Variants in GRIK4 observed in about 807,000 individuals in gnomAD.
GRIK4 encodes the protein glutamate receptor ionotropic, kainate 4.
Under a neutral mutation model 104.9 loss-of-function variants are expected in GRIK4, and 40 were observed. The ratio of observed to expected loss-of-function variants is 0.38; its 90% CI spans 0.30 to 0.50. The LOEUF (loss-of-function observed/expected upper bound fraction) is 0.50, where lower values mean the gene tolerates loss of function less well. GRIK4 is among the 20% of genes least tolerant of loss of function. The pLI, the probability that GRIK4 is intolerant of heterozygous loss-of-function variation, is 0.93. For synonymous variants in GRIK4, 485 were observed against 524.9 expected (o/e 0.92, Z 1.04); for missense variants, 1,047 against 1,308.1 (o/e 0.80, Z 3.08).
At chr11:120,769,294 T>A (rs535580398) in intron 3 of GRIK4, among the ~76,000 whole-genome samples, 2 of 152,308 alleles carry the variant, frequency 1.3e-5, no homozygotes, top group South Asian at 4.1e-4. Flanking sequence ...TTTTTTCATT[T>A]CCTCTCGGTT....
At chr11:120,937,747 C>G (rs2134633239) in intron 13 of GRIK4, among the ~76,000 whole-genome samples, 1 of 152,294 alleles carries the variant, frequency 6.6e-6, no homozygotes, top group East Asian at 1.9e-4. Context: ...TCCCTGTGCC[C>G]AGGGAAGAAC....
At chr11:120,908,717 A>G (rs1411611835) in intron 13 of GRIK4, among the ~76,000 whole-genome samples, 1 of 152,218 alleles carries the variant, frequency 6.6e-6, no homozygotes, top group African/African-American at 2.4e-5. Context: ...TGATTGCCTC[A>G]CTAAACAGTC....
intron 13 of GRIK4, among the ~76,000 whole-genome samples, chr11:120,921,892 C>G (rs1334321947): frequency 6.6e-6 from 1 of 152,206 alleles, no homozygotes; most frequent in Non-Finnish European, 1.5e-5. Context: ...ACCCACACAT[C>G]TATGGTCCAA....
chr11:120,579,005 G>A (rs1464453654), intron 1 of GRIK4, among the ~76,000 whole-genome samples: 1 of 152,162 alleles, frequency 6.6e-6, no homozygotes, highest in Non-Finnish European at 1.5e-5. Flanking sequence ...CCACGTGGAA[G>A]CCATACACTA....
chr11:120,982,177 G>T lies in GRIK4; in HGVS notation c.2467G>T (p.Ala823Ser). Residue 823 changes from alanine to serine, a missense_variant, in exon 20 of 21, where the codon GCT (alanine) becomes TCT (serine). Physicochemically the swap from Ala to Ser is moderately conservative, Grantham distance 99 (BLOSUM62 1). This residue lies in a region of GRIK4 where 440 missense variants were observed against 652.3 expected (regional missense o/e 0.67). Transcript: ENST00000527524. ...ICGLIVAIFMAMLEFLWTLRH... is the reference protein window; with the variant it reads ...ICGLIVAIFMSMLEFLWTLRH... ...TGGCTTAATCGTGGCCATTTTTATGGCTATGTTGGAGTTTTTATGGACTCT... is the reference window on the plus strand; with the variant it reads ...TGGCTTAATCGTGGCCATTTTTATGTCTATGTTGGAGTTTTTATGGACTCT... 1 of 1,613,052 alleles carries T rather than the reference G, an allele frequency of 6.2e-7. No homozygotes were observed.
chr11:120,727,041 G>A (rs1037827829), intron 3 of GRIK4, among the ~76,000 whole-genome samples: 5 of 152,122 alleles, frequency 3.3e-5, no homozygotes, highest in African/African-American at 1.2e-4. Context: ...GCAAGGGGAA[G>A]ACAGACCTGA....
Position 120,986,293 on chromosome 11 carries a change from C to A in GRIK4, c.*33C>A, listed in dbSNP as rs5016722. On this transcript the variant is annotated 3_prime_UTR_variant, in exon 21 of 21. Transcript: ENST00000527524. ...GGCCACAGGACGCGCAGAGGCCGGG[C>A]GGGGCGGGAGGGGAGGGGCGGGGCG... The A allele has an allele frequency of 6.1e-4, 147 of 241,130 alleles. 1 individual carries two copies. The highest frequency in any genetic ancestry group is 1.8e-3 in the Middle Eastern group (1 of 566). 14.9% of individuals were successfully genotyped at this position (241,130 alleles called of 1,614,324 possible).
chr11:120,611,477 C>G (rs1472113760), intron 1 of GRIK4, among the ~76,000 whole-genome samples: 1 of 152,104 alleles, frequency 6.6e-6, no homozygotes, highest in East Asian at 1.9e-4. Context: ...CAGTTTCTGG[C>G]AAAAGACAAG....
At chr11:120,791,098 T>G (rs1462935613) in intron 3 of GRIK4, among the ~76,000 whole-genome samples, 1 of 152,118 alleles carries the variant, frequency 6.6e-6, no homozygotes, top group Non-Finnish European at 1.5e-5. Flanking sequence ...AAAATTAATG[T>G]TTCTTAAGGG....
At chr11:120,553,655 C>G (rs558342922) in intron 1 of GRIK4, among the ~76,000 whole-genome samples, 11 of 152,314 alleles carry the variant, frequency 7.2e-5, no homozygotes, top group Non-Finnish European at 1.5e-4. Context: ...TGCACTTGGC[C>G]TCCTCAGGGC....
Position 120,961,032 on chromosome 11 carries a change from A to T in GRIK4, c.1998A>T (p.Glu666Asp), listed in dbSNP as rs75718344. 46 of 1,614,122 alleles carry T rather than the reference A, an allele frequency of 2.8e-5. No homozygotes were observed. In the African/African-American group the frequency reaches 5.2e-4, roughly 18 times the overall value. Reference protein sequence around the residue: ...VDDLADQTAIEYGTIHGGSSM... With the variant: ...VDDLADQTAIDYGTIHGGSSM... ...ACCTGGCTGACCAGACCGCCATTGA[A>T]TATGGCACAATTCACGGAGGCTCCA... The change falls in exon 17 of 21, where the codon GAA becomes GAT. Residue 666 changes from glutamate to aspartate, a missense_variant. By Grantham distance (45) the Glu-to-Asp change is conservative. Transcript: ENST00000527524.
At chr11:120,718,975 T>G (rs796445961) in intron 3 of GRIK4, among the ~76,000 whole-genome samples, 3 of 152,362 alleles carry the variant, frequency 2.0e-5, no homozygotes, top group African/African-American at 4.8e-5. Flanking sequence ...GCCCTCCCCT[T>G]TCTAGAATAA....
chr11:120,809,542 C>T (rs761397044), intron 4 of GRIK4, among the ~76,000 whole-genome samples: 25 of 152,278 alleles, frequency 1.6e-4, no homozygotes, highest in Non-Finnish European at 3.4e-4. Context: ...GACCCTAATT[C>T]AGTTCCACTG....
intron 11 of GRIK4, among the ~76,000 whole-genome samples, chr11:120,892,979 C>T (rs1487272000): frequency 1.3e-5 from 2 of 152,168 alleles, no homozygotes; most frequent in Non-Finnish European, 1.5e-5. Flanking sequence ...ACAGACACTA[C>T]GAGAAAGCAG....
chr11:120,673,807 A>G (rs981362334), intron 3 of GRIK4, among the ~76,000 whole-genome samples: 12 of 152,124 alleles, frequency 7.9e-5, no homozygotes, highest in African/African-American at 2.7e-4. Flanking sequence ...TGAAACTGCC[A>G]TTGTTGGTAG....
intron 1 of GRIK4, among the ~76,000 whole-genome samples, chr11:120,544,034 AGT>A (rs1418804759): frequency 1.3e-5 from 2 of 152,358 alleles, no homozygotes; most frequent in Admixed American, 1.3e-4. Flanking sequence ...ATGCAAGGCG[AGT>A]CAGTTCTGGC....
chr11:120,980,750 A>C (rs1389582956), intron 19 of GRIK4, among the ~76,000 whole-genome samples: 1 of 152,098 alleles, frequency 6.6e-6, no homozygotes, highest in Non-Finnish European at 1.5e-5. Context: ...TGCAGATCAG[A>C]GTGTATAGTT....
chr11:120,931,185 T>A (rs1244914950), intron 13 of GRIK4, among the ~76,000 whole-genome samples: 1 of 152,190 alleles, frequency 6.6e-6, no homozygotes, highest in African/African-American at 2.4e-5. Context: ...TTTGGCTTGG[T>A]GCCAGTGACC....
chr11:120,826,130 G>A (rs4317991), intron 6 of GRIK4, among the ~76,000 whole-genome samples: 43,782 of 152,022 alleles, frequency 0.29, 7,342 homozygotes, highest in East Asian at 0.45. Context: ...TATTTAAACC[G>A]TATAACTCAT....
Sources: allele counts gnomAD v4.1 joint callset (sites outside exome capture counted in the v4.1 genomes callset), GRCh38; gene constraint gnomAD v4.1.1; regional missense constraint gnomAD v4.1.1; transcripts MANE v1.5; gene names NCBI Gene and HGNC (gene_info 2026-07-23, HGNC 2026-07-21).